NIBAN1: variants seen among roughly 807,000 people sequenced by gnomAD.
NIBAN1 encodes the protein niban apoptosis regulator 1, also known as protein Niban 1.
Under a neutral mutation model 75.1 loss-of-function variants are expected in NIBAN1, and 81 were observed. That is an observed-to-expected ratio of 1.08 (90% CI 0.90 to 1.30). NIBAN1 has a LOEUF of 1.30. Ranked by LOEUF, NIBAN1 falls within the 50% of genes most tolerant of loss-of-function variation. NIBAN1 has a pLI of 0.00. For missense variants in NIBAN1, 1,133 were observed against 1,128.1 expected (o/e 1.00, Z -0.06); for synonymous variants, 436 against 424.8 (o/e 1.03, Z -0.32).
At position 184,808,144 on chromosome 1, in the gene NIBAN1, T is replaced by C; in HGVS notation, c.1265A>G (p.Asp422Gly). The C allele has an allele frequency of 6.2e-7, 1 of 1,614,102 alleles. No homozygotes were observed. Among genetic ancestry groups the C allele is most frequent in the African/African-American group, 1.3e-5 (1 of 75,032 alleles). ...KVNLLHERLQ[D>G]LKSRFRFPHI... Reference sequence around the variant, plus strand: ...GGGGAATCTGAAGCGGCTCTTGAGATCCTGCAGGCGCTCGTGAAGCAGGTT... The same window carrying C: ...GGGGAATCTGAAGCGGCTCTTGAGACCCTGCAGGCGCTCGTGAAGCAGGTT... Residue 422 changes from aspartate (D) to glycine (G), a missense_variant, in exon 10 of 14, where the codon GAT becomes GGT. Coordinates refer to ENST00000367511, the MANE Select transcript of NIBAN1 (RefSeq NM_052966.4).
chr1:184,952,012 A>G (rs1009537067), intron 1 of NIBAN1, among the ~76,000 whole-genome samples: 1 of 152,164 alleles, frequency 6.6e-6, no homozygotes, highest in Non-Finnish European at 1.5e-5. Flanking sequence ...GAGAGCAGGG[A>G]TTTAGTCTGC....
intron 5 of NIBAN1, among the ~76,000 whole-genome samples, chr1:184,876,041 C>T (rs373735484): frequency 3.9e-5 from 6 of 151,900 alleles, no homozygotes; most frequent in Admixed American, 1.3e-4. Flanking sequence ...GGCATGGTGG[C>T]GCATGCCTGT....
At chr1:184,877,574 G>A (rs1656265520) in intron 5 of NIBAN1, among the ~76,000 whole-genome samples, 1 of 152,154 alleles carries the variant, frequency 6.6e-6, no homozygotes, top group Admixed American at 6.5e-5. Context: ...GGTATGGGAA[G>A]AATGAATGTG....
chr1:184,796,811 T>A (rs1653885887), intron 13 of NIBAN1, among the ~76,000 whole-genome samples: 3 of 152,058 alleles, frequency 2.0e-5, no homozygotes, highest in Non-Finnish European at 4.4e-5. Context: ...AGCTGCAGAG[T>A]TTCCTTCTCT....
rs1656479367 is a variant in NIBAN1, at chr1:184,884,917, A to G, written c.434-117T>C. ...CAGGCCATGGGATGGAAAGTTGGTG[A>G]GATATTTTCACAGGATAGGGAAACT... On this transcript the variant is annotated intron_variant, in intron 4 of 13. Coordinates refer to ENST00000367511, the MANE Select transcript of NIBAN1 (RefSeq NM_052966.4). 8 of 1,269,640 alleles carry G rather than the reference A, an allele frequency of 6.3e-6. No individual in the cohort carries two copies. In the South Asian group the frequency reaches 1.2e-4, roughly 19 times the overall value. The allele number at this position is 1,269,640 out of a possible 1,614,324, so 78.6% of individuals were successfully genotyped here.
intron 5 of NIBAN1, among the ~76,000 whole-genome samples, chr1:184,877,009 A>G (rs1048334438): frequency 2.0e-5 from 3 of 152,212 alleles, no homozygotes; most frequent in Non-Finnish European, 4.4e-5. Flanking sequence ...AGTAAACCCA[A>G]TCAAAACTAA....
At chr1:184,960,967 AC>A (rs1384345758) in intron 1 of NIBAN1, among the ~76,000 whole-genome samples, 3 of 137,476 alleles carry the variant, frequency 2.2e-5, no homozygotes, top group Non-Finnish European at 4.7e-5. Flanking sequence ...CTCCCATCAA[AC>A]CTCCCTCTTG....
rs1653765441 is a variant in NIBAN1 at position 184,794,038 on chromosome 1, A to G, written c.*939T>C. On this transcript the variant is annotated 3_prime_UTR_variant, in exon 14 of 14. Transcript: ENST00000367511. The stretch of plus-strand genomic sequence containing the variant: ...AAGCTGTCATAGTTTAAAAATTGGC[A>G]TATGTTCTCTTCCAGATTAAATTCC... 1.3e-5 allele frequency: 2 copies of G among 151,972 alleles called. No homozygotes were observed. The highest frequency in any genetic ancestry group is 4.1e-4 in the South Asian group (2 of 4,830). 9.4% of individuals were successfully genotyped at this position (151,972 alleles called of 1,614,324 possible). A position where few individuals can be genotyped will look rare whatever the true frequency, so the allele number is the denominator to read the frequency against.
intron 5 of NIBAN1, among the ~76,000 whole-genome samples, chr1:184,864,294 CATT>C (rs1571528873): frequency 1.3e-5 from 2 of 152,268 alleles, no homozygotes; most frequent in Admixed American, 6.5e-5. Flanking sequence ...TGTGAGCTAT[CATT>C]AGTATTTTAT....
intron 5 of NIBAN1, among the ~76,000 whole-genome samples, chr1:184,838,884 A>C (rs1571507539): frequency 6.6e-6 from 1 of 152,158 alleles, no homozygotes; most frequent in East Asian, 1.9e-4. Context: ...TGATTTGTGA[A>C]AGTTATGTAA....
At chr1:184,825,409 T>C (rs1346273392) in intron 6 of NIBAN1, among the ~76,000 whole-genome samples, 1 of 152,086 alleles carries the variant, frequency 6.6e-6, no homozygotes, top group Non-Finnish European at 1.5e-5. Flanking sequence ...GCATCTTTAA[T>C]AAGACTGGAT....
intron 1 of NIBAN1, among the ~76,000 whole-genome samples, chr1:184,924,622 C>CT (rs1430582855): frequency 5.3e-5 from 8 of 152,028 alleles, no homozygotes; most frequent in Admixed American, 5.2e-4. Context: ...GGTATTAGTT[C>CT]TTTAAATGTT....
intron 5 of NIBAN1, among the ~76,000 whole-genome samples, chr1:184,874,331 A>G (rs1313512271): frequency 2.0e-5 from 3 of 152,036 alleles, no homozygotes; most frequent in East Asian, 1.9e-4. Context: ...TAATTATAAC[A>G]CATGTAAAAA....
chr1:184,974,294 G>T lies in NIBAN1; in HGVS notation c.55+8C>A. On this transcript the variant is annotated splice_region_variant and intron_variant, in intron 1 of 13. Coordinates refer to ENST00000367511, the MANE Select transcript of NIBAN1 (RefSeq NM_052966.4). ...GTGCTCCCCAGGCCCCCGGGCGGGC[G>T]GGCGTACCTCGGATGTAAGCGCACT... The T allele has an allele frequency of 6.4e-7, 1 of 1,556,370 alleles. No individual in the cohort carries two copies.
At chr1:184,974,263 G>A (rs1259579222) in intron 1 of NIBAN1, 39 bp downstream of exon 1, 4 of 1,534,540 alleles carry the variant, frequency 2.6e-6, no homozygotes, top group Non-Finnish European at 8.7e-7. Context: ...TGGTGCACGG[G>A]TCAGGGTGCT....
chr1:184,844,401 C>A (rs1011078036), intron 5 of NIBAN1, among the ~76,000 whole-genome samples: 1 of 152,190 alleles, frequency 6.6e-6, no homozygotes, highest in South Asian at 2.1e-4. Flanking sequence ...TACTCATCAT[C>A]ATTACCAATG....
chr1:184,835,781 A>G (rs1174754796), intron 5 of NIBAN1, among the ~76,000 whole-genome samples: 15 of 152,236 alleles, frequency 9.9e-5, no homozygotes, highest in Admixed American at 9.2e-4. Flanking sequence ...CAATCATGTC[A>G]TCTGCAAACA....
chr1:184,823,583 G>A (rs1380997662), intron 7 of NIBAN1, 55 bp downstream of exon 7: 2 of 1,574,186 alleles, frequency 1.3e-6, no homozygotes, highest in East Asian at 2.2e-5. Flanking sequence ...AAAGAAAAGG[G>A]AAGAGAATGT....
intron 5 of NIBAN1, among the ~76,000 whole-genome samples, chr1:184,847,128 A>C (rs1281374000): frequency 2.4e-5 from 1 of 41,822 alleles, no homozygotes; most frequent in Non-Finnish European, 4.4e-5. Context: ...AGAGAATGCC[A>C]CAAAGACACT....
Sources: gnomAD v4.1 joint callset for allele counts (sites outside exome capture counted in the v4.1 genomes callset) on GRCh38, gnomAD v4.1.1 for gene constraint, MANE v1.5 for transcripts, NCBI Gene and HGNC (gene_info 2026-07-23, HGNC 2026-07-21) for gene names.